Variants in PHF21B observed in about 807,000 individuals in gnomAD.
The protein encoded by PHF21B is PHD finger protein 4.
In PHF21B, 22 loss-of-function variants were observed where a neutral mutation model predicts 62.2. That is an observed-to-expected ratio of 0.35 (90% CI 0.25 to 0.51). The LOEUF (loss-of-function observed/expected upper bound fraction) is 0.51. PHF21B is among the 20% of genes least tolerant of loss of function. PHF21B has a pLI of 0.97. For missense variants in PHF21B, 701 were observed against 707.9 expected (o/e 0.99, Z 0.11); for synonymous variants, 341 against 314.7 (o/e 1.08, Z -0.88).
chr22:44,940,223 G>A (rs577405339), intron 2 of PHF21B, among the ~76,000 whole-genome samples: 2 of 152,282 alleles, frequency 1.3e-5, no homozygotes, highest in East Asian at 1.9e-4. Context: ...ACCTGCCTCC[G>A]GGCAAGCCTG....
At chr22:44,995,791 C>G (rs1434136347) in intron 2 of PHF21B, among the ~76,000 whole-genome samples, 1 of 145,754 alleles carries the variant, frequency 6.9e-6, no homozygotes, top group Non-Finnish European at 1.5e-5. Flanking sequence ...GACCCCCCCG[C>G]CCCCCACCTC....
chr22:45,007,222 G>C, intron 2 of PHF21B, among the ~76,000 whole-genome samples: 1 of 42,538 alleles, frequency 2.4e-5, no homozygotes, highest in Non-Finnish European at 5.1e-5. Context: ...CAGCAAGCCC[G>C]GCCCCCCCCA....
chr22:44,917,104 C>T lies in PHF21B; in HGVS notation c.214-474G>A, dbSNP rs558736370. ...TCAGTCTGGGTGGGGGCTGCTGCTG[C>T]GCTCCCGTGAAAACCAGAGCTGAGC... is the stretch of plus-strand genomic sequence containing the variant. On this transcript the variant is annotated intron_variant, in intron 3 of 12. Coordinates refer to ENST00000313237, the MANE Select transcript of PHF21B (RefSeq NM_138415.5). Among the ~76,000 whole-genome samples the T allele has an allele frequency of 2.6e-5, 4 of 152,324 alleles. No individual in the cohort carries two copies. The East Asian group carries it at 5.8e-4, about 22-fold the overall frequency.
intron 5 of PHF21B, among the ~76,000 whole-genome samples, chr22:44,900,963 G>A (rs2071148943): frequency 6.6e-6 from 1 of 152,144 alleles, no homozygotes; most frequent in South Asian, 2.1e-4. Context: ...TAAAAGTTCA[G>A]GACATTTTCC....
intron 2 of PHF21B, chr22:44,933,627 G>C (rs1436661189): frequency 1.3e-6 from 1 of 756,994 alleles, no homozygotes; most frequent in Admixed American, 6.3e-5. Context: ...AGTGGGGTGG[G>C]GGAGCCGTCT....
intron 2 of PHF21B, among the ~76,000 whole-genome samples, chr22:44,970,719 C>T (rs2072621132): frequency 6.6e-6 from 1 of 152,168 alleles, no homozygotes; most frequent in Admixed American, 6.5e-5. Flanking sequence ...GTCCTGCCCC[C>T]TCCAGCCTCA....
In PHF21B at chr22:44,990,177, G is replaced by C. The variant is rs73892223; in HGVS notation, c.120+18368C>G. Among the ~76,000 whole-genome samples, 813 of 152,310 alleles carry C rather than the reference G, an allele frequency of 5.3e-3. 6 individuals are homozygous for C. The highest frequency in any genetic ancestry group is 0.019 in the African/African-American group (783 of 41,560). The stretch of plus-strand genomic sequence containing the variant: ...CATGGCTCCCACAGTCATGGACACA[G>C]GTTTGATGGAACACGGTCACCCCTG... On this transcript the variant is annotated intron_variant, in intron 2 of 12. Transcript: ENST00000313237.
At chr22:44,896,165 G>A in intron 5 of PHF21B, 82 bp from the exon 6 acceptor site, 3 of 1,508,860 alleles carry the variant, frequency 2.0e-6, no homozygotes, top group Non-Finnish European at 2.8e-6. Context: ...GCTGTGGCAG[G>A]TGCAGGGCGA....
At chr22:44,894,820 G>A (rs150415748) in intron 6 of PHF21B, among the ~76,000 whole-genome samples, 72 of 152,294 alleles carry the variant, frequency 4.7e-4, no homozygotes, top group African/African-American at 1.7e-3. Flanking sequence ...CTCGGAGCCT[G>A]CATGGCAGGC....
chr22:44,894,037 T>TCTTTTC (rs1296546810), intron 6 of PHF21B, among the ~76,000 whole-genome samples: 4 of 152,224 alleles, frequency 2.6e-5, no homozygotes. Context: ...GACGGTGTTT[T>TCTTTTC]CTTTTCCTTT....
At chr22:44,958,433 C>T (rs1786616124) in intron 2 of PHF21B, among the ~76,000 whole-genome samples, 1 of 152,124 alleles carries the variant, frequency 6.6e-6, no homozygotes, top group South Asian at 2.1e-4. Flanking sequence ...GGAATGTGCA[C>T]ATTGCATCCA....
intron 2 of PHF21B, among the ~76,000 whole-genome samples, chr22:45,005,402 T>C (rs1407284175): frequency 4.6e-5 from 7 of 152,202 alleles, no homozygotes; most frequent in Non-Finnish European, 8.8e-5. Context: ...CATTTTCAAA[T>C]AGCAAGGTCC....
At chr22:44,916,176 T>A in intron 4 of PHF21B, 104 bp downstream of exon 4, 1 of 1,120,836 alleles carries the variant, frequency 8.9e-7, no homozygotes, top group Non-Finnish European at 1.3e-6. Context: ...CTCCTGGTCA[T>A]TCATCCTGCC....
intron 2 of PHF21B, among the ~76,000 whole-genome samples, chr22:44,991,709 C>T (rs1442146776): frequency 6.6e-6 from 1 of 152,218 alleles, no homozygotes; most frequent in African/African-American, 2.4e-5. Flanking sequence ...CACCTCTGTT[C>T]TGTGTCCCGC....
chr22:44,992,638 C>A (rs1051052710), intron 2 of PHF21B, among the ~76,000 whole-genome samples: 1 of 152,236 alleles, frequency 6.6e-6, no homozygotes, highest in East Asian at 1.9e-4. Flanking sequence ...AGCCTGAGGC[C>A]GGCTCTGGCT....
chr22:44,994,864 T>C (rs374444442), intron 2 of PHF21B, among the ~76,000 whole-genome samples: 73 of 152,258 alleles, frequency 4.8e-4, no homozygotes, highest in African/African-American at 1.6e-3. Flanking sequence ...GAAGTCCAGA[T>C]AAAAATACCC....
chr22:44,891,452 AG>A, intron 7 of PHF21B, 92 bp from the exon 8 acceptor site: 1 of 1,474,286 alleles, frequency 6.8e-7, no homozygotes, highest in South Asian at 1.2e-5. Context: ...TCTCTGGGAC[AG>A]GGTTCCCACC....
At chr22:44,899,321 G>A (rs915811382) in intron 5 of PHF21B, among the ~76,000 whole-genome samples, 11 of 118,920 alleles carry the variant, frequency 9.2e-5, no homozygotes, top group African/African-American at 3.3e-4. Flanking sequence ...ACGGAGCTTC[G>A]CTCTTGTCAC....
At chr22:44,979,120 A>G (rs543328979) in intron 2 of PHF21B, among the ~76,000 whole-genome samples, 5 of 152,200 alleles carry the variant, frequency 3.3e-5, no homozygotes, top group African/African-American at 1.2e-4. Flanking sequence ...CAGCCCCCTA[A>G]GGGTAGACCA....
Sources: allele counts gnomAD v4.1 joint callset (sites outside exome capture counted in the v4.1 genomes callset), GRCh38; gene constraint gnomAD v4.1.1; transcripts MANE v1.5; gene names NCBI Gene and HGNC (gene_info 2026-07-23, HGNC 2026-07-21).